The following CUBN variants were observed in gnomAD, a reference collection of about 807,000 sequenced individuals.
The protein encoded by CUBN is 460 kDa receptor.
CUBN carries 282 observed loss-of-function variants against 405.3 expected under a neutral mutation model. That is an observed-to-expected ratio of 0.70 (90% CI 0.63 to 0.77). CUBN has a LOEUF of 0.77. Among genes scored for constraint, CUBN ranks in the 30% least tolerant of loss-of-function variants. CUBN has a pLI of 0.00. For missense variants in CUBN, 4,514 were observed against 4,475.2 expected, an observed-to-expected ratio of 1.01 and a Z score of -0.25; for synonymous variants, 1,684 against 1,617.0, an observed-to-expected ratio of 1.04 and a Z score of -0.99.
intron 31 of CUBN, 67 bp downstream of exon 31, chr10:16,982,417 A>G: frequency 7.3e-7 from 1 of 1,372,326 alleles, no homozygotes; most frequent in Non-Finnish European, 1.0e-6. Flanking sequence ...TTCACTAAAT[A>G]TGCTTATATG....
chr10:16,869,979 T>G (rs758721593), intron 58 of CUBN, 126 bp from the exon 59 acceptor site: 1 of 737,974 alleles, frequency 1.4e-6, no homozygotes, highest in Non-Finnish European at 2.4e-6. Flanking sequence ...TCACTTGATA[T>G]GAAATATTAG....
intron 6 of CUBN, among the ~76,000 whole-genome samples, chr10:17,121,274 C>A (rs1043397592): frequency 1.3e-5 from 2 of 151,754 alleles, no homozygotes; most frequent in South Asian, 2.1e-4. Context: ...ATCAAAAAAA[C>A]AAAAGTATCA....
intron 34 of CUBN, among the ~76,000 whole-genome samples, chr10:16,949,441 G>GTGTGTA (rs1842867791): frequency 1.9e-5 from 2 of 107,072 alleles, no homozygotes; most frequent in African/African-American, 6.9e-5. Flanking sequence ...CCTGGTGTGT[G>GTGTGTA]TGTGTGTGTG....
chr10:17,076,511 T>A (rs1293501926), intron 17 of CUBN, among the ~76,000 whole-genome samples: 1 of 151,950 alleles, frequency 6.6e-6, no homozygotes, highest in Non-Finnish European at 1.5e-5. Flanking sequence ...ACCTCTTTCC[T>A]TTATGCTCAT....
chr10:16,961,362 G>A (rs536199255), intron 31 of CUBN, among the ~76,000 whole-genome samples: 30 of 152,226 alleles, frequency 2.0e-4, no homozygotes, highest in South Asian at 1.0e-3. Context: ...CACAGTGCCC[G>A]GCCTTAATTT....
chr10:16,837,256 G>C (rs1839199675), intron 62 of CUBN, among the ~76,000 whole-genome samples: 1 of 151,978 alleles, frequency 6.6e-6, no homozygotes, highest in African/African-American at 2.4e-5. Context: ...TCCTGGTAGA[G>C]GCTGTTCTTT....
chr10:17,100,140 G>T lies in CUBN; in HGVS notation c.1630C>A (p.Gln544Lys). The T allele has an allele frequency of 6.2e-7, 1 of 1,613,874 alleles. No homozygotes were observed. Among genetic ancestry groups the T allele is most frequent in the South Asian group, 1.1e-5 (1 of 91,068 alleles). Residue 544 changes from glutamine (Q) to lysine (K), a missense_variant, in exon 14 of 67, where the codon CAA (glutamine) becomes AAA (lysine). Transcript: ENST00000377833. ...CTGGAGCCACAAAATCTTCCAAGTT[G>T]AAAAGCAGAAGAGGAATCTCCATCA... is the stretch of plus-strand genomic sequence containing the variant. ...VYDGDSSSAF[Q>K]LGRFCGSSLP...
In CUBN at chr10:16,990,388, G is replaced by C; in HGVS notation, c.4296C>G (p.Thr1432=). The C allele has an allele frequency of 6.2e-7, 1 of 1,614,176 alleles. No homozygotes were observed. The highest frequency in any genetic ancestry group is 8.5e-7 in the Non-Finnish European group (1 of 1,180,020). ...RTDPGSSIQL[T]IHDFDVEYHS... is the part of the protein sequence containing the mutation. ...GATACTCCACATCGAAGTCATGGAT[G>C]GTGAGCTGAATGCTACTCCCGGGGT... Residue 1432 remains threonine, a synonymous_variant, in exon 29 of 67, where the codon ACC becomes ACG. Transcript: ENST00000377833.
At chr10:16,902,352 G>A (rs756704570) in intron 51 of CUBN, among the ~76,000 whole-genome samples, 22 of 143,554 alleles carry the variant, frequency 1.5e-4, no homozygotes, top group Non-Finnish European at 2.6e-4. Flanking sequence ...TTTTGTGTAT[G>A]TATATTTTAT....
chr10:16,937,269 G>C (rs61841445), intron 39 of CUBN, among the ~76,000 whole-genome samples: 20,314 of 152,168 alleles, frequency 0.13, 1,699 homozygotes, highest in Non-Finnish European at 0.19. Context: ...GTGTGTGTGT[G>C]TGAATGTACA....
intron 51 of CUBN, among the ~76,000 whole-genome samples, chr10:16,902,121 G>GTA (rs943338464): frequency 6.3e-5 from 8 of 126,272 alleles, no homozygotes; most frequent in East Asian, 2.2e-4. Flanking sequence ...ACCATATATA[G>GTA]TATATATATA....
At chr10:16,966,063 G>A (rs772528659) in intron 31 of CUBN, 8 of 459,632 alleles carry the variant, frequency 1.7e-5, no homozygotes, top group African/African-American at 1.2e-4. Flanking sequence ...AGATATTCAC[G>A]GTCTCCAAGA....
At chr10:17,003,052 G>A (rs555284454) in intron 28 of CUBN, among the ~76,000 whole-genome samples, 3 of 152,262 alleles carry the variant, frequency 2.0e-5, no homozygotes, top group Admixed American at 2.0e-4. Flanking sequence ...TCATAAACAG[G>A]ATGGGATATA....
intron 45 of CUBN, among the ~76,000 whole-genome samples, chr10:16,918,281 T>C (rs1487574253): frequency 6.6e-6 from 1 of 152,198 alleles, no homozygotes; most frequent in Non-Finnish European, 1.5e-5. Flanking sequence ...TTGGGTTCTT[T>C]TTGGGGTCCA....
intron 64 of CUBN, 99 bp downstream of exon 64, chr10:16,834,915 A>G: frequency 8.7e-7 from 1 of 1,146,516 alleles, no homozygotes; most frequent in East Asian, 2.5e-5. Flanking sequence ...ACAAATAAGA[A>G]TCATATAATA....
At chr10:17,021,333 C>G (rs963848243) in intron 27 of CUBN, among the ~76,000 whole-genome samples, 3 of 152,228 alleles carry the variant, frequency 2.0e-5, no homozygotes, top group African/African-American at 7.2e-5. Flanking sequence ...AATCTCTCTA[C>G]TATATCTCTT....
At chr10:16,970,333 C>A (rs1049380771) in intron 31 of CUBN, among the ~76,000 whole-genome samples, 1 of 152,128 alleles carries the variant, frequency 6.6e-6, no homozygotes, top group Non-Finnish European at 1.5e-5. Context: ...CACCTGTAAT[C>A]AGAGGCCGAG....
At chr10:16,942,575 A>C (rs1842679081) in intron 36 of CUBN, among the ~76,000 whole-genome samples, 1 of 152,166 alleles carries the variant, frequency 6.6e-6, no homozygotes, top group Non-Finnish European at 1.5e-5. Context: ...AAAATAGAAA[A>C]TAAGAAGTGC....
intron 31 of CUBN, among the ~76,000 whole-genome samples, chr10:16,958,090 G>A (rs1843121519): frequency 6.6e-6 from 1 of 151,992 alleles, no homozygotes. Flanking sequence ...AGGAAATAAG[G>A]GGAACAAAAG....
Sources: gnomAD v4.1 joint callset for allele counts (sites outside exome capture counted in the v4.1 genomes callset) on GRCh38, gnomAD v4.1.1 for gene constraint, MANE v1.5 for transcripts, NCBI Gene and HGNC (gene_info 2026-07-23, HGNC 2026-07-21) for gene names.